The following SEMA3A variants were observed in gnomAD, a reference collection of about 807,000 sequenced individuals.
SEMA3A encodes semaphorin 3A.
A neutral mutation model predicts 97.9 loss-of-function variants in SEMA3A; 29 were observed. The ratio of observed to expected loss-of-function variants is 0.30; its 90% CI spans 0.22 to 0.40. The LOEUF (loss-of-function observed/expected upper bound fraction) is 0.40. Among genes scored for constraint, SEMA3A ranks in the 10% least tolerant of loss-of-function variants. SEMA3A has a pLI of 1.00. For synonymous variants in SEMA3A, 321 were observed against 323.7 expected, an observed-to-expected ratio of 0.99 and a Z score of 0.09; for missense variants, 763 against 951.3, an observed-to-expected ratio of 0.80 and a Z score of 2.60.
intron 1 of SEMA3A, among the ~76,000 whole-genome samples, chr7:84,395,981 T>A (rs1242464495): frequency 6.6e-6 from 1 of 152,064 alleles, no homozygotes; most frequent in East Asian, 1.9e-4. Flanking sequence ...AAACAATTCA[T>A]TGCATTAAAG....
intron 1 of SEMA3A, among the ~76,000 whole-genome samples, chr7:84,182,313 A>C (rs955087554): frequency 1.3e-5 from 2 of 152,120 alleles, no homozygotes; most frequent in Admixed American, 1.3e-4. Flanking sequence ...GTCATGAAGG[A>C]TGTTGTGTCT....
chr7:84,327,380 G>T (rs73386936), intron 2 of SEMA3A, among the ~76,000 whole-genome samples: 5,353 of 151,774 alleles, frequency 0.035, 345 homozygotes, highest in African/African-American at 0.12. Context: ...TGAAAAAAAT[G>T]CTAGGAAGGA....
intron 4 of SEMA3A, among the ~76,000 whole-genome samples, chr7:84,074,020 A>G (rs1416298140): frequency 6.6e-6 from 1 of 152,186 alleles, no homozygotes; most frequent in Non-Finnish European, 1.5e-5. Flanking sequence ...CTGAACATCT[A>G]CATTTACATC....
chr7:84,359,859 A>ACACC (rs1584263664), intron 2 of SEMA3A, among the ~76,000 whole-genome samples: 2 of 152,044 alleles, frequency 1.3e-5, no homozygotes, highest in East Asian at 3.9e-4. Context: ...TTTCTGGTTT[A>ACACC]GTCTTGGGAG....
intron 4 of SEMA3A, among the ~76,000 whole-genome samples, chr7:84,066,054 T>C (rs1793476913): frequency 6.6e-6 from 1 of 151,404 alleles, no homozygotes; most frequent in Non-Finnish European, 1.5e-5. Flanking sequence ...CAGCAGCACA[T>C]CAAAAAGCTT....
chr7:84,132,991 T>C (rs1216199879), intron 2 of SEMA3A, among the ~76,000 whole-genome samples: 2 of 152,138 alleles, frequency 1.3e-5, no homozygotes, highest in Non-Finnish European at 2.9e-5. Context: ...GTGCTCATTT[T>C]ATAAAGAATG....
intron 2 of SEMA3A, among the ~76,000 whole-genome samples, chr7:84,338,064 A>G (rs1802079678): frequency 6.6e-6 from 1 of 152,000 alleles, no homozygotes; most frequent in Admixed American, 6.6e-5. Flanking sequence ...ACACACTTAT[A>G]CATATATATA....
At chr7:84,256,814 C>G (rs751739359) in intron 3 of SEMA3A, among the ~76,000 whole-genome samples, 36 of 152,000 alleles carry the variant, frequency 2.4e-4, no homozygotes, top group Non-Finnish European at 3.5e-4. Flanking sequence ...CCTATAATGA[C>G]TTTTCTCTCT....
Position 84,473,388 on chromosome 7 carries a change from T to A in SEMA3A, c.-246+19072A>T, listed in dbSNP as rs181916315. On this transcript the variant is annotated intron_variant, in intron 1 of 3. Transcript: ENST00000424555. ...TATATTTTTGTATTATTATTATTAT[T>A]ATAATATTATTATTATTATTATTTG... Among the ~76,000 whole-genome samples the A allele has an allele frequency of 5.1e-3, 760 of 148,354 alleles. 6 individuals are homozygous for A. The highest frequency in any genetic ancestry group is 0.017 in the African/African-American group (704 of 40,682).
At chr7:84,142,326 T>C (rs1796319720) in intron 1 of SEMA3A, among the ~76,000 whole-genome samples, 1 of 152,138 alleles carries the variant, frequency 6.6e-6, no homozygotes, top group East Asian at 1.9e-4. Flanking sequence ...CAAATACCTT[T>C]AGAGAAGCAA....
chr7:84,129,240 A>G, intron 2 of SEMA3A, 55 bp from the exon 3 acceptor site: 1 of 1,356,192 alleles, frequency 7.4e-7, no homozygotes, highest in East Asian at 2.3e-5. Context: ...TAAGAGATCC[A>G]ACACCATATA....
At chr7:84,163,421 T>C (rs1404980695) in intron 1 of SEMA3A, among the ~76,000 whole-genome samples, 1 of 152,122 alleles carries the variant, frequency 6.6e-6, no homozygotes, top group Non-Finnish European at 1.5e-5. Flanking sequence ...ACTGTCCTTA[T>C]GTTATATGAA....
intron 2 of SEMA3A, among the ~76,000 whole-genome samples, chr7:84,356,320 A>G: frequency 6.6e-6 from 1 of 151,832 alleles, no homozygotes; most frequent in East Asian, 1.9e-4. Flanking sequence ...TTATAACTAA[A>G]TGCAAATTAA....
chr7:84,375,816 C>T (rs929512412), intron 1 of SEMA3A, among the ~76,000 whole-genome samples: 4 of 152,074 alleles, frequency 2.6e-5, no homozygotes, highest in Non-Finnish European at 5.9e-5. Flanking sequence ...AGTTTTGTAC[C>T]TGCTAACCTG....
chr7:84,325,655 T>C (rs1801758958), intron 2 of SEMA3A, among the ~76,000 whole-genome samples: 1 of 151,908 alleles, frequency 6.6e-6, no homozygotes, highest in Admixed American at 6.6e-5. Context: ...AGGAACCTTG[T>C]ATTTGTAAGG....
chr7:84,185,363 T>G (rs1196440592), intron 1 of SEMA3A, among the ~76,000 whole-genome samples: 1 of 151,614 alleles, frequency 6.6e-6, no homozygotes, highest in Non-Finnish European at 1.5e-5. Context: ...AACTTGCTGT[T>G]GAATTAAAGA....
intron 3 of SEMA3A, among the ~76,000 whole-genome samples, chr7:84,282,474 T>G (rs942365552): frequency 6.6e-6 from 1 of 152,172 alleles, no homozygotes; most frequent in Admixed American, 6.6e-5. Flanking sequence ...TGTTATTATC[T>G]TTACTGTTTC....
Position 84,488,317 on chromosome 7 carries a change from TACAC to T in SEMA3A, c.-246+4139_-246+4142del, listed in dbSNP as rs67659986. Among the ~76,000 whole-genome samples, 345 of 145,704 alleles carry T rather than the reference TACAC, an allele frequency of 2.4e-3. 1 individual carries two copies. The highest frequency in any genetic ancestry group is 0.01 in the South Asian group (46 of 4,542). On this transcript the variant is annotated intron_variant, in intron 1 of 3. Coordinates refer to the SEMA3A transcript ENST00000424555. ...TTTTCCAGCTATGTTTCTTCGTATATACACACACACACACACACACACACACACA... is the reference window on the plus strand; with the variant it reads ...TTTTCCAGCTATGTTTCTTCGTATATACACACACACACACACACACACACA...
intron 2 of SEMA3A, among the ~76,000 whole-genome samples, chr7:84,365,491 T>G (rs200204820): frequency 1.3e-5 from 1 of 77,706 alleles, no homozygotes; most frequent in South Asian, 3.5e-4. Context: ...TCATCTCTCT[T>G]TGTCTCCAAA....
Sources: gnomAD v4.1 joint callset for allele counts (sites outside exome capture counted in the v4.1 genomes callset) on GRCh38, gnomAD v4.1.1 for gene constraint, MANE v1.5 for transcripts, NCBI Gene and HGNC (gene_info 2026-07-23, HGNC 2026-07-21) for gene names.